Variants in EIF4G3 observed in about 807,000 individuals in gnomAD.
EIF4G3 encodes eukaryotic translation initiation factor 4 gamma 3.
In EIF4G3, 34 loss-of-function variants were observed where a neutral mutation model predicts 186.4. That is an observed-to-expected ratio of 0.18 (90% confidence interval 0.14 to 0.24). The LOEUF (loss-of-function observed/expected upper bound fraction) is 0.24, where lower values mean the gene tolerates loss of function less well. Ranked by LOEUF, EIF4G3 falls within the 10% of genes least tolerant of loss-of-function variation. The pLI is 1.00. For synonymous variants in EIF4G3, 673 were observed against 679.5 expected, an observed-to-expected ratio of 0.99 and a Z score of 0.15; for missense variants, 1,536 against 1,948.5, an observed-to-expected ratio of 0.79 and a Z score of 3.99.
At chr1:21,109,218 G>A (rs2096672036) in intron 2 of EIF4G3, among the ~76,000 whole-genome samples, 1 of 152,092 alleles carries the variant, frequency 6.6e-6, no homozygotes. Flanking sequence ...ACTGTCTCAA[G>A]GAAAAAGCTA....
intron 29 of EIF4G3, among the ~76,000 whole-genome samples, chr1:20,843,012 T>A (rs2069263151): frequency 2.0e-5 from 3 of 151,986 alleles, no homozygotes; most frequent in Admixed American, 1.3e-4. Context: ...CCGGCTAATT[T>A]AAAAAAATTT....
intron 4 of EIF4G3, 37 bp from the exon 5 acceptor site, chr1:21,002,845 A>C: frequency 1.6e-6 from 2 of 1,216,230 alleles, no homozygotes; most frequent in Non-Finnish European, 2.4e-6. Flanking sequence ...AATATTTTGA[A>C]AAAATATGGC....
intron 8 of EIF4G3, among the ~76,000 whole-genome samples, chr1:20,981,659 GTATACGCACATACTGTATGTATA>G: frequency 8.7e-6 from 1 of 114,604 alleles, no homozygotes; most frequent in African/African-American, 3.3e-5. Flanking sequence ...ATACATACAT[GTATACGCACATACTGTATGTATA>G]CATACATGTA....
chr1:21,125,608 A>G (rs967778047), intron 2 of EIF4G3, among the ~76,000 whole-genome samples: 2 of 152,010 alleles, frequency 1.3e-5, no homozygotes, highest in African/African-American at 4.8e-5. Context: ...AATCCCAGCT[A>G]CTTGGGAGGC....
chr1:20,919,333 C>T (rs1169224754), intron 14 of EIF4G3, among the ~76,000 whole-genome samples: 2 of 152,078 alleles, frequency 1.3e-5, no homozygotes, highest in Non-Finnish European at 2.9e-5. Context: ...CTCAGCCTCC[C>T]GTATAGCTGG....
At chr1:20,818,397 G>C (rs1296318878) in intron 33 of EIF4G3, among the ~76,000 whole-genome samples, 1 of 152,196 alleles carries the variant, frequency 6.6e-6, no homozygotes, top group African/African-American at 2.4e-5. Flanking sequence ...CCAGCACTTT[G>C]GGAGGCCAAG....
intron 14 of EIF4G3, among the ~76,000 whole-genome samples, chr1:20,933,822 G>A (rs1421060334): frequency 6.6e-6 from 1 of 152,162 alleles, no homozygotes; most frequent in Admixed American, 6.5e-5. Flanking sequence ...ATAGGTGACT[G>A]GTTTAGTATT....
rs546342597 is a variant in EIF4G3, at chr1:20,907,300, A to T, written c.1664-2329T>A. ...CCACCTAAGAACTAAACTCTTACAG[A>T]CACATTTAATTTCAACTACATTAAA... On this transcript the variant is annotated intron_variant, in intron 14 of 36. Transcript: ENST00000602326. 3.9e-5 allele frequency among the ~76,000 whole-genome samples: 6 copies of T among 152,332 alleles called. No individual in the cohort carries two copies. The South Asian group carries it at 1.2e-3, about 32-fold the overall frequency.
At chr1:21,104,038 T>C (rs1359719300) in intron 2 of EIF4G3, among the ~76,000 whole-genome samples, 2 of 152,154 alleles carry the variant, frequency 1.3e-5, no homozygotes, top group Non-Finnish European at 2.9e-5. Flanking sequence ...TCCTCAATTA[T>C]AAAATGGTGA....
At chr1:20,866,170 T>C (rs1257251766) in intron 20 of EIF4G3, among the ~76,000 whole-genome samples, 1 of 152,170 alleles carries the variant, frequency 6.6e-6, no homozygotes, top group Non-Finnish European at 1.5e-5. Flanking sequence ...TAACAGAAGA[T>C]CTTTGTGAAA....
At chr1:20,991,899 C>T (rs2081214548) in intron 7 of EIF4G3, among the ~76,000 whole-genome samples, 1 of 152,158 alleles carries the variant, frequency 6.6e-6, no homozygotes, top group African/African-American at 2.4e-5. Context: ...TATTTCATTT[C>T]AGACACTGTG....
chr1:21,026,110 A>G (rs1420582014), intron 4 of EIF4G3, among the ~76,000 whole-genome samples: 1 of 152,222 alleles, frequency 6.6e-6, no homozygotes, highest in East Asian at 1.9e-4. Flanking sequence ...ATAGCTGAAA[A>G]GAAAAAAGCT....
At chr1:20,999,759 T>C (rs1433583175) in intron 6 of EIF4G3, 2 of 453,132 alleles carry the variant, frequency 4.4e-6, no homozygotes, top group South Asian at 1.6e-5. Flanking sequence ...GACAATAGTC[T>C]TAATCCTATG....
chr1:20,817,680 A>ATTTT, intron 33 of EIF4G3, 142 bp from the exon 34 acceptor site: 7 of 220,636 alleles, frequency 3.2e-5, no homozygotes, highest in Middle Eastern at 1.7e-3. Context: ...TTATGTTTGT[A>ATTTT]GTTTTTTTTT....
intron 2 of EIF4G3, 62 bp from the exon 3 acceptor site, chr1:21,089,275 T>C: frequency 1.4e-6 from 1 of 705,200 alleles, no homozygotes; most frequent in Non-Finnish European, 2.6e-6. Flanking sequence ...TAGAGAAAAT[T>C]GCAACCACAA....
At chr1:21,012,726 C>T (rs1007228625) in intron 4 of EIF4G3, among the ~76,000 whole-genome samples, 2 of 152,146 alleles carry the variant, frequency 1.3e-5, no homozygotes, top group Non-Finnish European at 2.9e-5. Flanking sequence ...ACAGGATTAA[C>T]GTGCAGCTCC....
intron 18 of EIF4G3, 84 bp from the exon 19 acceptor site, chr1:20,886,455 G>T: frequency 1.5e-6 from 2 of 1,300,688 alleles, no homozygotes; most frequent in South Asian, 1.5e-5. Flanking sequence ...TGATGACTAC[G>T]CCAAGCAATG....
intron 32 of EIF4G3, among the ~76,000 whole-genome samples, chr1:20,826,705 G>GTCTCGATC (rs958512437): frequency 5.3e-5 from 8 of 150,794 alleles, no homozygotes; most frequent in African/African-American, 2.0e-4. Context: ...GGCCAGGATG[G>GTCTCGATC]TCTCGATCTC....
chr1:21,024,619 G>T (rs1232508288), intron 4 of EIF4G3, among the ~76,000 whole-genome samples: 1 of 150,230 alleles, frequency 6.7e-6, no homozygotes, highest in Non-Finnish European at 1.5e-5. Flanking sequence ...TGAAACATGT[G>T]CTGTGTCCAC....
Sources: gnomAD v4.1 joint callset for allele counts (sites outside exome capture counted in the v4.1 genomes callset) on GRCh38, gnomAD v4.1.1 for gene constraint, MANE v1.5 for transcripts, NCBI Gene and HGNC (gene_info 2026-07-23, HGNC 2026-07-21) for gene names.